VAV2: variants seen among roughly 807,000 people sequenced by gnomAD.
The protein encoded by VAV2 is guanine nucleotide exchange factor VAV2.
In VAV2, 67 loss-of-function variants were observed where a neutral mutation model predicts 132.5. The observed-to-expected ratio is 0.51, with a 90% confidence interval of 0.42 to 0.62. VAV2 has a LOEUF of 0.62. Among genes scored for constraint, VAV2 ranks in the 20% least tolerant of loss-of-function variants. VAV2 has a pLI of 0.00. For missense variants in VAV2, 938 were observed against 1,153.6 expected (o/e 0.81, Z 2.71); for synonymous variants, 492 against 443.5 (o/e 1.11, Z -1.37).
chr9:133,808,359 G>A (rs77097597), intron 7 of VAV2, among the ~76,000 whole-genome samples: 1,594 of 152,322 alleles, frequency 0.01, 33 homozygotes, highest in South Asian at 0.06. Context: ...GAGGCATCAC[G>A]GCCACCCTGG....
At chr9:133,781,763 C>T (rs543563458) in intron 19 of VAV2, among the ~76,000 whole-genome samples, 22 of 152,282 alleles carry the variant, frequency 1.4e-4, no homozygotes, top group Non-Finnish European at 2.9e-4. Context: ...GCAAGGACGG[C>T]GTCCCCCAGC....
At chr9:133,901,479 T>C (rs918506979) in intron 2 of VAV2, among the ~76,000 whole-genome samples, 2 of 152,362 alleles carry the variant, frequency 1.3e-5, no homozygotes, top group South Asian at 4.2e-4. Flanking sequence ...GGGGAGCCTG[T>C]CGGGAGAGCC....
At chr9:133,890,059 G>A (rs1838869845) in intron 2 of VAV2, among the ~76,000 whole-genome samples, 2 of 152,234 alleles carry the variant, frequency 1.3e-5, no homozygotes, top group African/African-American at 4.8e-5. Flanking sequence ...GGAGGCTATG[G>A]TGCCAGGGTG....
intron 2 of VAV2, among the ~76,000 whole-genome samples, chr9:133,871,491 T>C (rs1453339523): frequency 2.8e-5 from 4 of 141,484 alleles, no homozygotes; most frequent in African/African-American, 1.2e-4. Flanking sequence ...GATGGATGGA[T>C]GGATGGATGG....
At chr9:133,905,994 C>G (rs962435757) in intron 2 of VAV2, among the ~76,000 whole-genome samples, 4 of 152,084 alleles carry the variant, frequency 2.6e-5, no homozygotes, top group Non-Finnish European at 5.9e-5. Context: ...GAGCCATGAT[C>G]GCGCCACTGA....
At chr9:133,896,517 C>T (rs997462849) in intron 2 of VAV2, among the ~76,000 whole-genome samples, 1 of 152,102 alleles carries the variant, frequency 6.6e-6, no homozygotes, top group Non-Finnish European at 1.5e-5. Flanking sequence ...CAGGTCGAAA[C>T]GTGGGGACGA....
chr9:133,907,389 C>T lies in VAV2; in HGVS notation c.321+31714G>A, dbSNP rs117779553. 4.6e-5 allele frequency among the ~76,000 whole-genome samples: 7 copies of T among 152,316 alleles called. No individual in the cohort carries two copies. The East Asian group carries it at 5.8e-4, about 13-fold the overall frequency. On this transcript the variant is annotated intron_variant, in intron 2 of 29. Coordinates refer to ENST00000371850, the MANE Select transcript of VAV2 (RefSeq NM_001134398.2). Reference sequence around the variant, plus strand: ...ATCCCATCACGGTTCAAGCCCAGGCCGATCCTGGCTGGCACTTGTCCCTCA... The same window carrying T: ...ATCCCATCACGGTTCAAGCCCAGGCTGATCCTGGCTGGCACTTGTCCCTCA...
intron 3 of VAV2, among the ~76,000 whole-genome samples, chr9:133,838,065 C>T (rs918489134): frequency 3.9e-5 from 6 of 152,220 alleles, no homozygotes; most frequent in East Asian, 3.9e-4. Context: ...AGCGCCTGGC[C>T]GCTGGCGCAG....
chr9:133,775,939 G>A (rs945281114), intron 24 of VAV2, 89 bp downstream of exon 24: 79 of 1,481,586 alleles, frequency 5.3e-5, no homozygotes, highest in Admixed American at 8.1e-5. Flanking sequence ...CTGCTGGGCC[G>A]CTCACAGGCA....
At chr9:133,987,490 GA>G (rs1842892673) in intron 1 of VAV2, among the ~76,000 whole-genome samples, 1 of 152,376 alleles carries the variant, frequency 6.6e-6, no homozygotes, top group African/African-American at 2.4e-5. Flanking sequence ...AAAAGGCCCG[GA>G]GGGGGGGATG....
At chr9:133,849,697 TC>T (rs1837091647) in intron 3 of VAV2, among the ~76,000 whole-genome samples, 2 of 152,170 alleles carry the variant, frequency 1.3e-5, no homozygotes, top group African/African-American at 4.8e-5. Flanking sequence ...GGAGGGTCCT[TC>T]CTGCCTCTTC....
At chr9:133,966,312 A>G (rs1842138529) in intron 1 of VAV2, among the ~76,000 whole-genome samples, 1 of 152,270 alleles carries the variant, frequency 6.6e-6, no homozygotes, top group Non-Finnish European at 1.5e-5. Context: ...GCCTCCACAC[A>G]GCAAAGCAAA....
intron 1 of VAV2, among the ~76,000 whole-genome samples, chr9:133,981,546 A>G (rs1056526651): frequency 6.6e-6 from 1 of 152,202 alleles, no homozygotes; most frequent in Admixed American, 6.5e-5. Flanking sequence ...GAGGGTGCCG[A>G]GTCCTGAGGC....
rs1202429528 is a variant in VAV2, at chr9:133,883,372, C to T, written c.322-21940G>A. On this transcript the variant is annotated intron_variant, in intron 2 of 29. Coordinates refer to ENST00000371850, the MANE Select transcript of VAV2 (RefSeq NM_001134398.2). This position sits in a 1 kb window ranked among gnomAD's most constrained non-coding sequence, Gnocchi z 4.2. ...CGGGGTGTGCCAAGTGAGTGTGGGGCTGACGGGTGTGAGCCACAGTGGGCA... is the reference window on the plus strand; with the variant it reads ...CGGGGTGTGCCAAGTGAGTGTGGGGTTGACGGGTGTGAGCCACAGTGGGCA... Among the ~76,000 whole-genome samples the T allele has an allele frequency of 6.6e-6, 1 of 152,356 alleles. No homozygotes were observed. The highest frequency in any genetic ancestry group is 2.4e-5 in the African/African-American group (1 of 41,574).
chr9:133,821,747 C>T (rs974606023), intron 4 of VAV2, among the ~76,000 whole-genome samples: 1 of 152,208 alleles, frequency 6.6e-6, no homozygotes, highest in Admixed American at 6.5e-5. Context: ...GATCATTCTT[C>T]TCTGTCCAGT....
At chr9:133,895,858 G>A (rs1839178079) in intron 2 of VAV2, among the ~76,000 whole-genome samples, 1 of 151,842 alleles carries the variant, frequency 6.6e-6, no homozygotes, top group African/African-American at 2.4e-5. Flanking sequence ...CTACACACTG[G>A]CAAAAAACTG....
intron 2 of VAV2, among the ~76,000 whole-genome samples, chr9:133,904,317 C>T (rs1014873755): frequency 6.6e-6 from 1 of 152,234 alleles, no homozygotes; most frequent in African/African-American, 2.4e-5. Context: ...ATTAAAAAGA[C>T]ACAGAAGAAT....
rs1186675556 is a variant in VAV2, at chr9:133,952,972, G to T, written c.205-13753C>A. 1.4e-3 allele frequency among the ~76,000 whole-genome samples: 199 copies of T among 141,276 alleles called. 9 individuals carry two copies. The East Asian group carries it at 0.026, about 18-fold the overall frequency. 92.7% of individuals were successfully genotyped at this position (141,276 alleles called of 152,430 possible). A position where few individuals can be genotyped will look rare whatever the true frequency, so the allele number is the denominator to read the frequency against. Reference sequence around the variant, plus strand: ...GAACCTGGAGGGAGCATGGCCCCCGGGACACCTAGAACCTGGAGGGAGCAT... The same window carrying T: ...GAACCTGGAGGGAGCATGGCCCCCGTGACACCTAGAACCTGGAGGGAGCAT... On this transcript the variant is annotated intron_variant, in intron 1 of 29. Coordinates refer to ENST00000371850, the MANE Select transcript of VAV2 (RefSeq NM_001134398.2).
rs1838686260 is a variant in VAV2 at position 133,885,918 on chromosome 9, A to G, written c.322-24486T>C. Among the ~76,000 whole-genome samples the G allele has an allele frequency of 6.6e-6, 1 of 152,240 alleles. No homozygotes were observed. The highest frequency in any genetic ancestry group is 2.1e-4 in the South Asian group (1 of 4,832). Reference sequence around the variant, plus strand: ...AGTGTTCCTGAGAACCAGAGTTCTCAGCTACCTACAAACTCACCATTAAGG... The same window carrying G: ...AGTGTTCCTGAGAACCAGAGTTCTCGGCTACCTACAAACTCACCATTAAGG... On this transcript the variant is annotated intron_variant, in intron 2 of 29. Transcript: ENST00000371850. This position sits in a 1 kb window ranked among gnomAD's most constrained non-coding sequence, Gnocchi z 5.0.
Sources: allele counts gnomAD v4.1 joint callset (sites outside exome capture counted in the v4.1 genomes callset), GRCh38; gene constraint gnomAD v4.1.1; non-coding constraint Gnocchi (gnomAD v3.1); transcripts MANE v1.5; gene names NCBI Gene and HGNC (gene_info 2026-07-23, HGNC 2026-07-21).